The following FAM184B variants were observed in gnomAD, a reference collection of about 807,000 sequenced individuals.
FAM184B encodes the protein protein FAM184B.
A neutral mutation model predicts 135.9 loss-of-function variants in FAM184B; 111 were observed. The observed-to-expected ratio is 0.82, with a 90% CI of 0.70 to 0.96. The LOEUF (loss-of-function observed/expected upper bound fraction) is 0.96, where lower values mean the gene tolerates loss of function less well. FAM184B is among the 40% of genes least tolerant of loss of function. FAM184B has a pLI of 0.00. For synonymous variants in FAM184B, 552 were observed against 524.8 expected (o/e 1.05, Z -0.71); for missense variants, 1,375 against 1,323.9 (o/e 1.04, Z -0.60).
At chr4:17,635,444 G>A (rs961477593) in intron 15 of FAM184B, among the ~76,000 whole-genome samples, 1 of 152,114 alleles carries the variant, frequency 6.6e-6, no homozygotes, top group Non-Finnish European at 1.5e-5. Context: ...GGATTTTGCC[G>A]CCTTTCTTCC....
intron 13 of FAM184B, among the ~76,000 whole-genome samples, chr4:17,639,688 CA>C (rs1715250490): frequency 6.6e-6 from 1 of 152,070 alleles, no homozygotes; most frequent in Non-Finnish European, 1.5e-5. Context: ...AGGGGAGCCC[CA>C]GAAAACACAC....
At chr4:17,721,282 G>T (rs1020903197) in intron 1 of FAM184B, among the ~76,000 whole-genome samples, 1 of 149,332 alleles carries the variant, frequency 6.7e-6, no homozygotes, top group African/African-American at 2.5e-5. Context: ...TACTCAGGAG[G>T]CTGAGGCAGG....
At chr4:17,666,469 CTTTTTTTTT>C (rs386399397) in intron 7 of FAM184B, among the ~76,000 whole-genome samples, 9 of 57,162 alleles carry the variant, frequency 1.6e-4, no homozygotes, top group Admixed American at 6.4e-4. Flanking sequence ...GTGCCTGGTT[CTTTTTTTTT>C]TTTTTTTTTT....
intron 7 of FAM184B, among the ~76,000 whole-genome samples, chr4:17,679,552 A>T (rs998663160): frequency 6.6e-6 from 1 of 152,184 alleles, no homozygotes; most frequent in Non-Finnish European, 1.5e-5. Flanking sequence ...AAAAGAGAAC[A>T]TTTTTACAGT....
chr4:17,729,223 C>T (rs931530558), intron 1 of FAM184B, among the ~76,000 whole-genome samples: 7 of 152,240 alleles, frequency 4.6e-5, no homozygotes, highest in African/African-American at 1.7e-4. Flanking sequence ...ATTGCCCAGG[C>T]TTGATTAGGT....
intron 5 of FAM184B, among the ~76,000 whole-genome samples, chr4:17,698,748 T>A (rs560378960): frequency 8.1e-4 from 124 of 152,282 alleles, no homozygotes; most frequent in Non-Finnish European, 1.5e-3. Flanking sequence ...ATTGAAAATG[T>A]TATGTTATGT....
intron 1 of FAM184B, among the ~76,000 whole-genome samples, chr4:17,756,565 C>T (rs973778413): frequency 2.0e-5 from 3 of 152,162 alleles, no homozygotes; most frequent in Non-Finnish European, 4.4e-5. Flanking sequence ...CAATATGAAC[C>T]GTACCACCAG....
intron 7 of FAM184B, among the ~76,000 whole-genome samples, chr4:17,681,531 T>C (rs1264891610): frequency 6.6e-6 from 1 of 152,204 alleles, no homozygotes; most frequent in Admixed American, 6.5e-5. Context: ...TGGCTCCCAA[T>C]TGGCCTGAGG....
chr4:17,703,990 G>T (rs1308616612), intron 5 of FAM184B, among the ~76,000 whole-genome samples: 1 of 151,844 alleles, frequency 6.6e-6, no homozygotes, highest in Admixed American at 6.6e-5. Flanking sequence ...TATATGACCT[G>T]TCTACAGTCA....
chr4:17,718,054 T>C (rs1717435396), intron 1 of FAM184B, among the ~76,000 whole-genome samples: 1 of 152,194 alleles, frequency 6.6e-6, no homozygotes, highest in Non-Finnish European at 1.5e-5. Context: ...GAACTCCACC[T>C]TTTTCTAGAT....
intron 1 of FAM184B, among the ~76,000 whole-genome samples, chr4:17,729,952 C>T (rs538962262): frequency 2.3e-4 from 35 of 152,108 alleles, no homozygotes; most frequent in Non-Finnish European, 2.8e-4. Context: ...AGGCTTCAGA[C>T]AATCAAACTA....
chr4:17,741,410 CTGGCCGGGCGTGG>C (rs1560190469), intron 1 of FAM184B, among the ~76,000 whole-genome samples: 1 of 152,136 alleles, frequency 6.6e-6, no homozygotes, highest in Non-Finnish European at 1.5e-5. Context: ...GAGCAAAGTC[CTGGCCGGGCGTGG>C]TGGCTCACGC....
intron 1 of FAM184B, among the ~76,000 whole-genome samples, chr4:17,768,683 G>A (rs1414354776): frequency 6.6e-6 from 1 of 152,054 alleles, no homozygotes; most frequent in Non-Finnish European, 1.5e-5. Context: ...TCGAATAAGA[G>A]GATCTCTATT....
chr4:17,765,872 C>T (rs535375226), intron 1 of FAM184B, among the ~76,000 whole-genome samples: 8 of 152,048 alleles, frequency 5.3e-5, no homozygotes, highest in South Asian at 4.2e-4. Context: ...TCGGGGTCTC[C>T]CTGGTTTCAG....
intron 1 of FAM184B, among the ~76,000 whole-genome samples, chr4:17,739,484 C>A (rs1717976641): frequency 6.7e-6 from 1 of 150,208 alleles, no homozygotes; most frequent in South Asian, 2.1e-4. Flanking sequence ...AGTTCTAAGC[C>A]AGGGCAGCAT....
rs930150266 is a variant in FAM184B at position 17,709,711 on chromosome 4, G to A, written c.142-67C>T. 4.4e-6 allele frequency: 6 copies of A among 1,369,144 alleles called. No homozygotes were observed. In the African/African-American group the frequency reaches 8.8e-5, roughly 20 times the overall value. The allele number at this position is 1,369,144 out of a possible 1,614,324, so 84.8% of individuals were successfully genotyped here. A position where few individuals can be genotyped will look rare whatever the true frequency, so the allele number is the denominator to read the frequency against. ...GGGGTGTGGGAGGGCTGAGGGGACA[G>A]AGCAATATTCTCCTGCATGGCGGTT... On this transcript the variant is annotated intron_variant, in intron 1 of 17. Coordinates refer to ENST00000265018, the MANE Select transcript of FAM184B (RefSeq NM_015688.2).
chr4:17,648,635 G>T (rs934220454), intron 11 of FAM184B, among the ~76,000 whole-genome samples: 1 of 152,018 alleles, frequency 6.6e-6, no homozygotes, highest in African/African-American at 2.4e-5. Context: ...ATTATAGCGC[G>T]TGAGCCACAG....
intron 3 of FAM184B, among the ~76,000 whole-genome samples, chr4:17,707,049 A>C (rs1717136474): frequency 6.6e-6 from 1 of 152,046 alleles, no homozygotes; most frequent in African/African-American, 2.4e-5. Flanking sequence ...TGGCCTCCCA[A>C]AGTGCTGGGA....
At chr4:17,745,695 C>T (rs757110373) in intron 1 of FAM184B, among the ~76,000 whole-genome samples, 6 of 152,200 alleles carry the variant, frequency 3.9e-5, no homozygotes, top group Non-Finnish European at 8.8e-5. Flanking sequence ...ATCTCTTGTA[C>T]ATCTAAATTC....
Sources: gnomAD v4.1 joint callset for allele counts (sites outside exome capture counted in the v4.1 genomes callset) on GRCh38, gnomAD v4.1.1 for gene constraint, MANE v1.5 for transcripts, NCBI Gene and HGNC (gene_info 2026-07-23, HGNC 2026-07-21) for gene names.